Variants in PRKCB observed in about 807,000 individuals in gnomAD.
PRKCB encodes the protein protein kinase C beta.
A neutral mutation model predicts 81.5 loss-of-function variants in PRKCB; 13 were observed. The ratio of observed to expected loss-of-function variants is 0.16; its 90% CI spans 0.10 to 0.25. The LOEUF is 0.25. Among genes scored for constraint, PRKCB ranks in the 10% least tolerant of loss-of-function variants. The pLI, the probability that PRKCB is intolerant of heterozygous loss-of-function variation, is 1.00. For synonymous variants in PRKCB, 335 were observed against 321.4 expected, an observed-to-expected ratio of 1.04 and a Z score of -0.45; for missense variants, 509 against 875.7, an observed-to-expected ratio of 0.58 and a Z score of 5.29.
intron 2 of PRKCB, among the ~76,000 whole-genome samples, chr16:23,916,927 T>C (rs948833289): frequency 6.5e-5 from 1 of 15,396 alleles, no homozygotes; most frequent in Non-Finnish European, 1.0e-4. Flanking sequence ...GACTGGCTGA[T>C]TTTTGTATTT....
chr16:24,042,052 C>G (rs1007182129), intron 5 of PRKCB, among the ~76,000 whole-genome samples: 11 of 151,014 alleles, frequency 7.3e-5, no homozygotes, highest in Non-Finnish European at 1.3e-4. Context: ...ATCCAGATAG[C>G]TTAATATTTA....
At chr16:24,017,798 T>G (rs1046790847) in intron 3 of PRKCB, among the ~76,000 whole-genome samples, 3 of 152,080 alleles carry the variant, frequency 2.0e-5, no homozygotes, top group Admixed American at 6.5e-5. Context: ...GGTGTGATCC[T>G]GGTTCGCTGT....
At chr16:24,005,280 T>A (rs1300478573) in intron 3 of PRKCB, among the ~76,000 whole-genome samples, 1 of 151,670 alleles carries the variant, frequency 6.6e-6, no homozygotes, top group Non-Finnish European at 1.5e-5. Flanking sequence ...GATTTAAAAA[T>A]ATAAAAATAT....
intron 5 of PRKCB, among the ~76,000 whole-genome samples, chr16:24,081,452 A>T (rs1307529060): frequency 6.6e-6 from 1 of 152,220 alleles, no homozygotes; most frequent in Admixed American, 6.5e-5. Context: ...AAAAACCTGT[A>T]ACATACTTAA....
At chr16:23,941,642 G>A (rs1567321098) in intron 2 of PRKCB, among the ~76,000 whole-genome samples, 1 of 151,886 alleles carries the variant, frequency 6.6e-6, no homozygotes, top group Non-Finnish European at 1.5e-5. Flanking sequence ...TATGTCAAAG[G>A]AAAAATATGA....
intron 2 of PRKCB, among the ~76,000 whole-genome samples, chr16:23,849,268 C>T (rs892885432): frequency 6.6e-6 from 1 of 152,204 alleles, no homozygotes; most frequent in African/African-American, 2.4e-5. Flanking sequence ...TCCCTTCACC[C>T]TTTGGGTGGA....
intron 11 of PRKCB, among the ~76,000 whole-genome samples, chr16:24,173,654 T>C (rs1596582045): frequency 2.0e-5 from 3 of 152,330 alleles, no homozygotes; most frequent in Admixed American, 6.5e-5. Flanking sequence ...CTTTACATAG[T>C]TCCCCAAAGC....
intron 2 of PRKCB, among the ~76,000 whole-genome samples, chr16:23,929,044 G>A (rs911763117): frequency 1.3e-5 from 2 of 152,018 alleles, no homozygotes; most frequent in African/African-American, 4.8e-5. Flanking sequence ...GAGATGTTTT[G>A]TCAGATAAAG....
At chr16:24,018,932 C>A (rs1965322736) in intron 3 of PRKCB, among the ~76,000 whole-genome samples, 1 of 152,150 alleles carries the variant, frequency 6.6e-6, no homozygotes, top group Non-Finnish European at 1.5e-5. Flanking sequence ...TAAGGTTTCC[C>A]TACTTTTTTT....
At position 23,885,779 on chromosome 16, in the gene PRKCB, T is replaced by C. The variant is rs1597228219; in HGVS notation, c.205+48373T>C. On this transcript the variant is annotated intron_variant, in intron 2 of 16. Coordinates refer to ENST00000643927, the MANE Select transcript of PRKCB (RefSeq NM_002738.7). ...CACTGTGTGCTGGAAAATATATATT[T>C]CAGACACGAGGAAGCTGGCGGGGAA... Among the ~76,000 whole-genome samples, 5 of 152,350 alleles carry C rather than the reference T, an allele frequency of 3.3e-5. No individual in the cohort carries two copies. The Middle Eastern group carries it at 0.017, about 518-fold the overall frequency.
intron 9 of PRKCB, among the ~76,000 whole-genome samples, chr16:24,144,494 T>C (rs1966959173): frequency 6.6e-6 from 1 of 152,102 alleles, no homozygotes; most frequent in South Asian, 2.1e-4. Context: ...TGAGACAGGG[T>C]TTCACCATGT....
At chr16:23,842,919 T>A (rs1962292191) in intron 2 of PRKCB, among the ~76,000 whole-genome samples, 1 of 152,208 alleles carries the variant, frequency 6.6e-6, no homozygotes, top group Non-Finnish European at 1.5e-5. Context: ...TTGATGATAA[T>A]GAGTAAGTCA....
chr16:24,074,559 A>T (rs1966155026), intron 5 of PRKCB, among the ~76,000 whole-genome samples: 1 of 152,242 alleles, frequency 6.6e-6, no homozygotes, highest in African/African-American at 2.4e-5. Flanking sequence ...ATTTTCTATC[A>T]TATTTTGGAA....
At chr16:23,929,763 G>T (rs1193753299) in intron 2 of PRKCB, among the ~76,000 whole-genome samples, 1 of 151,776 alleles carries the variant, frequency 6.6e-6, no homozygotes, top group African/African-American at 2.4e-5. Context: ...TTTTTTTCTT[G>T]TCTGGAAAAA....
chr16:24,106,522 G>C (rs1208712253), intron 7 of PRKCB, among the ~76,000 whole-genome samples: 1 of 152,002 alleles, frequency 6.6e-6, no homozygotes, highest in Middle Eastern at 3.2e-3. Context: ...AAAATAATCC[G>C]CAATAAACAT....
At chr16:23,918,134 A>G (rs1402404507) in intron 2 of PRKCB, among the ~76,000 whole-genome samples, 1 of 151,968 alleles carries the variant, frequency 6.6e-6, no homozygotes, top group East Asian at 1.9e-4. Flanking sequence ...GGGCAGTTTG[A>G]CTTGGGGATG....
rs201781791 is a variant in PRKCB, at chr16:24,212,663, T to G, written c.1864-1995T>G. 2.6e-5 allele frequency among the ~76,000 whole-genome samples: 4 copies of G among 151,620 alleles called. No individual in the cohort carries two copies. In the East Asian group the frequency reaches 7.8e-4, roughly 29 times the overall value. On this transcript the variant is annotated intron_variant, in intron 16 of 16. Transcript: ENST00000643927. The stretch of plus-strand genomic sequence containing the variant: ...AGCTAATTTTTTAAAGACAGGGTTT[T>G]GCCATGTTGGTCAGGCTGGTCTCAA...
intron 2 of PRKCB, among the ~76,000 whole-genome samples, chr16:23,907,273 G>T (rs750701766): frequency 6.6e-6 from 1 of 152,206 alleles, no homozygotes; most frequent in Non-Finnish European, 1.5e-5. Context: ...GGGTCGAGCA[G>T]ACCTCCCATC....
At chr16:24,176,894 C>CA (rs34201635) in intron 12 of PRKCB, among the ~76,000 whole-genome samples, 1,226 of 96,420 alleles carry the variant, frequency 0.013, 17 homozygotes, top group Middle Eastern at 0.068. Flanking sequence ...AACTCCATTT[C>CA]AAAAAAAAAA....
Sources: gnomAD v4.1 joint callset for allele counts (sites outside exome capture counted in the v4.1 genomes callset) on GRCh38, gnomAD v4.1.1 for gene constraint, MANE v1.5 for transcripts, NCBI Gene and HGNC (gene_info 2026-07-23, HGNC 2026-07-21) for gene names.